The following CTNNA3 variants were observed in gnomAD, a reference collection of about 807,000 sequenced individuals.
The protein encoded by CTNNA3 is catenin alpha 3, also known as catenin alpha-3.
A neutral mutation model predicts 95.7 loss-of-function variants in CTNNA3; 76 were observed. The ratio of observed to expected loss-of-function variants is 0.79; its 90% CI spans 0.66 to 0.96. CTNNA3 has a LOEUF of 0.96. Ranked by LOEUF, CTNNA3 falls within the 40% of genes least tolerant of loss-of-function variation. The pLI is 0.00. For missense variants in CTNNA3, 1,191 were observed against 1,089.8 expected (o/e 1.09, Z -1.31); for synonymous variants, 431 against 374.4 (o/e 1.15, Z -1.74).
At chr10:67,643,670 G>T (rs1839612247) in intron 2 of CTNNA3, among the ~76,000 whole-genome samples, 1 of 151,764 alleles carries the variant, frequency 6.6e-6, no homozygotes, top group Admixed American at 6.6e-5. Flanking sequence ...TTCTCCTAAT[G>T]CTATCCCTCC....
Position 66,166,767 on chromosome 10 carries a change from G to A in CTNNA3, c.1885-63518C>T, listed in dbSNP as rs556253366. The stretch of plus-strand genomic sequence containing the variant: ...TATAACAGCAAAAAAAATTAAAATA[G>A]GATTAAATTGAAGGGGTGAATGAAG... On this transcript the variant is annotated intron_variant, in intron 13 of 17. Coordinates refer to ENST00000433211, the MANE Select transcript of CTNNA3 (RefSeq NM_013266.4). Among the ~76,000 whole-genome samples, 6 of 152,162 alleles carry A rather than the reference G, an allele frequency of 3.9e-5. No homozygotes were observed. In the East Asian group the frequency reaches 1.2e-3, roughly 29 times the overall value.
chr10:67,573,729 C>G (rs1248919147), intron 3 of CTNNA3, among the ~76,000 whole-genome samples: 4 of 151,766 alleles, frequency 2.6e-5, no homozygotes, highest in African/African-American at 9.7e-5. Context: ...TCCCTTCCTC[C>G]CTCCTTCCCT....
intron 5 of CTNNA3, among the ~76,000 whole-genome samples, chr10:67,245,150 T>C (rs1865860684): frequency 6.6e-6 from 1 of 152,112 alleles, no homozygotes; most frequent in East Asian, 1.9e-4. Context: ...TTGCTGCTTA[T>C]CCAAGAAGCC....
chr10:66,239,832 A>G (rs1313141598), intron 13 of CTNNA3, among the ~76,000 whole-genome samples: 3 of 151,988 alleles, frequency 2.0e-5, no homozygotes, highest in Non-Finnish European at 4.4e-5. Context: ...TCCTTGACAC[A>G]AAATCCTATA....
chr10:67,543,237 A>G (rs1446808956), intron 3 of CTNNA3, among the ~76,000 whole-genome samples: 1 of 152,024 alleles, frequency 6.6e-6, no homozygotes, highest in Non-Finnish European at 1.5e-5. Flanking sequence ...ACTAGAGTAT[A>G]TAGTCTACAA....
intron 8 of CTNNA3, among the ~76,000 whole-genome samples, chr10:66,774,645 T>C (rs2132818962): frequency 6.6e-6 from 1 of 152,330 alleles, no homozygotes; most frequent in South Asian, 2.1e-4. Flanking sequence ...TAAACTACGA[T>C]AATACATTGC....
rs115014348 is a variant in CTNNA3, at chr10:67,731,056, A to G, written c.-2+32378T>C. ...GCTTACATTTCATACTAGCAAGTCA[A>G]GAGATAAAATCCAAAACTAAAAACT... On this transcript the variant is annotated intron_variant, in intron 1 of 17. Coordinates refer to the CTNNA3 transcript ENST00000684154. Among the ~76,000 whole-genome samples the G allele has an allele frequency of 2.5e-3, 383 of 152,298 alleles. 2 individuals carry two copies. Among genetic ancestry groups the G allele is most frequent in the African/African-American group, 8.8e-3 (364 of 41,570 alleles).
At chr10:67,700,779 T>C (rs981396619), upstream of CTNNA3, among the ~76,000 whole-genome samples, 1 of 152,204 alleles carries the variant, frequency 6.6e-6, no homozygotes, top group Non-Finnish European at 1.5e-5. Context: ...GGACGGAGAA[T>C]GACTTTGACG....
intron 9 of CTNNA3, among the ~76,000 whole-genome samples, chr10:66,653,117 G>A (rs1266254048): frequency 1.3e-5 from 2 of 152,094 alleles, no homozygotes; most frequent in Non-Finnish European, 2.9e-5. Context: ...GTCCCAGCCA[G>A]AGCAATTAGG....
At chr10:67,101,431 T>C (rs551782298) in intron 7 of CTNNA3, among the ~76,000 whole-genome samples, 212 of 142,458 alleles carry the variant, frequency 1.5e-3, no homozygotes, top group African/African-American at 5.5e-3. Flanking sequence ...TTACTTGTAA[T>C]AATAGAGAAC....
intron 5 of CTNNA3, among the ~76,000 whole-genome samples, chr10:67,510,312 T>C (rs1306682931): frequency 6.6e-6 from 1 of 152,240 alleles, no homozygotes; most frequent in Non-Finnish European, 1.5e-5. Flanking sequence ...AGTGTTTTTA[T>C]GGTTTTAGGT....
chr10:67,024,893 G>C (rs545342185), intron 7 of CTNNA3, among the ~76,000 whole-genome samples: 4 of 151,948 alleles, frequency 2.6e-5, no homozygotes, highest in African/African-American at 4.8e-5. Flanking sequence ...CACTTTAGGG[G>C]GCCAAGGCGG....
chr10:66,818,273 T>A (rs1564702660), intron 7 of CTNNA3, among the ~76,000 whole-genome samples: 1 of 151,094 alleles, frequency 6.6e-6, no homozygotes, highest in Non-Finnish European at 1.5e-5. Context: ...TGTGCTGGAA[T>A]TCTAACTGGG....
chr10:66,158,190 G>C (rs557815776), intron 13 of CTNNA3, among the ~76,000 whole-genome samples: 1 of 152,170 alleles, frequency 6.6e-6, no homozygotes, highest in South Asian at 2.1e-4. Context: ...ATTTATCTTT[G>C]TTTTTACTGA....
chr10:66,381,677 G>A (rs986681329), intron 11 of CTNNA3, among the ~76,000 whole-genome samples: 1 of 151,994 alleles, frequency 6.6e-6, no homozygotes, highest in African/African-American at 2.4e-5. Context: ...CCCATATTAA[G>A]GACATTTAAA....
intron 17 of CTNNA3, among the ~76,000 whole-genome samples, chr10:65,964,957 A>C (rs1334420670): frequency 1.3e-5 from 2 of 152,194 alleles, no homozygotes; most frequent in Non-Finnish European, 2.9e-5. Context: ...GTCTATACAC[A>C]CGCATGTTCC....
rs1859399337 is a variant in CTNNA3 at position 67,120,375 on chromosome 10, G to GAT, written c.1047+59940_1047+59941dup. Among the ~76,000 whole-genome samples the GAT allele has an allele frequency of 2.0e-5, 3 of 151,932 alleles. No homozygotes were observed. In the South Asian group the frequency reaches 6.2e-4, roughly 31 times the overall value. The stretch of plus-strand genomic sequence containing the variant: ...GTATAAGCTTCCTTTGGTGAAGCAA[G>GAT]ATATATATATTGATTTTATCATACA... On this transcript the variant is annotated intron_variant, in intron 7 of 17. Coordinates refer to ENST00000433211, the MANE Select transcript of CTNNA3 (RefSeq NM_013266.4).
chr10:66,672,865 G>T, intron 9 of CTNNA3, among the ~76,000 whole-genome samples: 1 of 152,050 alleles, frequency 6.6e-6, no homozygotes, highest in Admixed American at 6.6e-5. Context: ...TCTTAAGATT[G>T]ATCAGCCTTC....
chr10:67,681,172 T>C (rs1840619480), intron 1 of CTNNA3, among the ~76,000 whole-genome samples: 1 of 152,136 alleles, frequency 6.6e-6, no homozygotes, highest in Non-Finnish European at 1.5e-5. Context: ...CTTGATAAAA[T>C]GTTAAAATTC....
Sources: gnomAD v4.1 joint callset for allele counts (sites outside exome capture counted in the v4.1 genomes callset) on GRCh38, gnomAD v4.1.1 for gene constraint, MANE v1.5 for transcripts, NCBI Gene and HGNC (gene_info 2026-07-23, HGNC 2026-07-21) for gene names.